GARNL3: variants seen among roughly 807,000 people sequenced by gnomAD.
GARNL3 encodes GTPase activating Rap/RanGAP domain like 3.
In GARNL3, 63 loss-of-function variants were observed where a neutral mutation model predicts 125.0. That is an observed-to-expected ratio of 0.50 (90% CI 0.41 to 0.62). GARNL3 has a LOEUF of 0.62. Ranked by LOEUF, GARNL3 falls within the 20% of genes least tolerant of loss-of-function variation. The pLI is 0.00. For missense variants in GARNL3, 994 were observed against 1,244.0 expected (o/e 0.80, Z 3.02); for synonymous variants, 439 against 457.5 (o/e 0.96, Z 0.52).
intron 1 of GARNL3, among the ~76,000 whole-genome samples, chr9:127,231,040 A>ATATG (rs2062996917): frequency 4.3e-5 from 2 of 46,332 alleles, no homozygotes; most frequent in East Asian, 4.0e-4. Context: ...ATATACATAT[A>ATATG]TATATATATA....
intron 20 of GARNL3, among the ~76,000 whole-genome samples, 177 bp downstream of exon 20, chr9:127,355,649 A>G (rs751008536): frequency 1.1e-4 from 17 of 152,224 alleles, no homozygotes; most frequent in Admixed American, 1.3e-4. Flanking sequence ...AAGCTCATTC[A>G]TTCCAGTGAA....
At chr9:127,317,348 G>GGAGACATT (rs2065267855) in intron 4 of GARNL3, among the ~76,000 whole-genome samples, 1 of 152,122 alleles carries the variant, frequency 6.6e-6, no homozygotes, top group South Asian at 2.1e-4. Flanking sequence ...TTTTTGACTG[G>GGAGACATT]GAGACATTAT....
exon 2 of GARNL3, chr9:127,243,111 A>G: frequency 2.2e-6 from 3 of 1,363,652 alleles, no homozygotes; most frequent in South Asian, 1.1e-5. Context: ...CCACTGATGG[A>G]CCCGTTAACG....
At chr9:127,246,580 T>C (rs1167412400) in intron 2 of GARNL3, among the ~76,000 whole-genome samples, 4 of 152,014 alleles carry the variant, frequency 2.6e-5, no homozygotes, top group Admixed American at 6.5e-5. Context: ...CCAAGGTGGG[T>C]GGATCACCTG....
intron 1 of GARNL3, among the ~76,000 whole-genome samples, chr9:127,272,305 T>C (rs2131296616): frequency 6.7e-6 from 1 of 149,930 alleles, no homozygotes; most frequent in East Asian, 1.9e-4. Context: ...AAAGGCACTT[T>C]ATGGGAGAAA....
Position 127,387,231 on chromosome 9 carries a change from G to A in GARNL3, c.2427G>A (p.Glu809=), listed in dbSNP as rs751117341. 3.1e-6 allele frequency: 5 copies of A among 1,614,040 alleles called. No homozygotes were observed. The South Asian group carries it at 5.5e-5, about 18-fold the overall frequency. The change falls in exon 25 of 28, where the codon GAG becomes GAA. Residue 809 remains glutamate, a synonymous_variant. Transcript: ENST00000373387. ...TCACAGCAACTGCAGCTGTGAATGA[G>A]GTCTCATCTGGAGGCAGCTCCAAGG... ...IYFTATAAVN[E]VSSGGSSKGA...
At chr9:127,262,076 T>C (rs574753464), upstream of GARNL3, among the ~76,000 whole-genome samples, 4 of 152,304 alleles carry the variant, frequency 2.6e-5, no homozygotes, top group African/African-American at 9.6e-5. Context: ...CCATCTAATA[T>C]AGATTTCTAT....
rs1369801596 is a variant in GARNL3 at position 127,242,543 on chromosome 9, G to A, written c.-28-536G>A. 6.6e-6 allele frequency among the ~76,000 whole-genome samples: 1 copy of A among 152,202 alleles called. No individual in the cohort carries two copies. Among genetic ancestry groups the A allele is most frequent in the Admixed American group, 6.5e-5 (1 of 15,286 alleles). On this transcript the variant is annotated intron_variant, in intron 1 of 10. Transcript: ENST00000439286. This position sits in a 1 kb window ranked among gnomAD's most constrained non-coding sequence, Gnocchi z 4.6. ...AACAAGCCATTTATTAATTCAGCAA[G>A]CATTTACTGCTTATATATACTATCT... is the stretch of plus-strand genomic sequence containing the variant.
intron 2 of GARNL3, among the ~76,000 whole-genome samples, chr9:127,244,174 A>T (rs915049769): frequency 1.3e-5 from 2 of 152,092 alleles, no homozygotes; most frequent in Non-Finnish European, 2.9e-5. Context: ...CCCTCAAGGA[A>T]CTCCCTACTT....
chr9:127,264,863 C>T lies in GARNL3; in HGVS notation c.-15C>T, dbSNP rs2063668516. On this transcript the variant is annotated 5_prime_UTR_variant, in exon 1 of 28. Transcript: ENST00000373387. ...GGGGCACTGCAAGTCTGTTCCATAG[C>T]AGCCCTTTTTGCAAATGGTAGTTGA... is the stretch of plus-strand genomic sequence containing the variant. 6.4e-7 allele frequency: 1 copy of T among 1,566,988 alleles called. No homozygotes were observed. The highest frequency in any genetic ancestry group is 1.4e-5 in the African/African-American group (1 of 73,534).
chr9:127,298,931 A>G (rs189130754), intron 2 of GARNL3, among the ~76,000 whole-genome samples: 198 of 152,350 alleles, frequency 1.3e-3, no homozygotes, highest in African/African-American at 4.4e-3. Flanking sequence ...ATTCTTTCAG[A>G]AAATTCACTC....
intron 7 of GARNL3, among the ~76,000 whole-genome samples, 194 bp downstream of exon 7, chr9:127,325,289 C>T (rs1210900960): frequency 6.6e-6 from 1 of 152,170 alleles, no homozygotes; most frequent in Non-Finnish European, 1.5e-5. Context: ...ATGCATCTAG[C>T]TATAAAGCTA....
At chr9:127,283,477 T>A (rs1284721694) in intron 1 of GARNL3, among the ~76,000 whole-genome samples, 1 of 152,078 alleles carries the variant, frequency 6.6e-6, no homozygotes. Context: ...TCGAGACCAG[T>A]CTGGGCAACA....
chr9:127,341,908 G>A (rs1829880303), intron 13 of GARNL3, among the ~76,000 whole-genome samples: 1 of 152,192 alleles, frequency 6.6e-6, no homozygotes, highest in African/African-American at 2.4e-5. Context: ...GGAGGGGTTG[G>A]TGCGCTGAGA....
chr9:127,371,552 A>G (rs913069972), intron 22 of GARNL3, among the ~76,000 whole-genome samples: 1 of 152,216 alleles, frequency 6.6e-6, no homozygotes, highest in African/African-American at 2.4e-5. Flanking sequence ...TGAGGGATAC[A>G]TTCCCCATCT....
At chr9:127,336,107 T>C (rs759577226) in intron 10 of GARNL3, 21 bp from the exon 11 acceptor site, 6 of 1,536,678 alleles carry the variant, frequency 3.9e-6, no homozygotes, top group Non-Finnish European at 2.7e-6. Context: ...TTCTCAGTGA[T>C]GTTATTTATG....
intron 14 of GARNL3, among the ~76,000 whole-genome samples, chr9:127,343,270 G>C (rs1325386059): frequency 2.0e-5 from 3 of 152,036 alleles, no homozygotes; most frequent in Non-Finnish European, 4.4e-5. Flanking sequence ...GCAGGGATTG[G>C]GCCAGGCTAA....
intron 10 of GARNL3, 89 bp from the exon 11 acceptor site, chr9:127,336,039 G>T (rs923184082): frequency 6.3e-6 from 6 of 946,668 alleles, no homozygotes; most frequent in African/African-American, 3.3e-5. Context: ...AGTGGCTGTG[G>T]TTTGTTATAT....
At chr9:127,231,050 A>ATTTTTTTTTTTTT (rs71308298) in intron 1 of GARNL3, among the ~76,000 whole-genome samples, 1 of 89,580 alleles carries the variant, frequency 1.1e-5, no homozygotes, top group African/African-American at 7.9e-5. Context: ...ATATATATAT[A>ATTTTTTTTTTTTT]TTTTTTTTTT....
Sources: gnomAD v4.1 joint callset for allele counts (sites outside exome capture counted in the v4.1 genomes callset) on GRCh38, gnomAD v4.1.1 for gene constraint, Gnocchi (gnomAD v3.1) non-coding constraint, MANE v1.5 for transcripts, NCBI Gene and HGNC (gene_info 2026-07-23, HGNC 2026-07-21) for gene names.